Variants in DISP1 observed in about 807,000 individuals in gnomAD.
DISP1 encodes dispatched RND transporter family member 1.
Under a neutral mutation model 37.3 loss-of-function variants are expected in DISP1, and 30 were observed. That is an observed-to-expected ratio of 0.80 (90% CI 0.60 to 1.09). The LOEUF (loss-of-function observed/expected upper bound fraction) is 1.09, where lower values mean the gene tolerates loss of function less well. Ranked by LOEUF, DISP1 falls within the 50% of genes least tolerant of loss-of-function variation. The pLI is 0.00. For missense variants in DISP1, 1,598 were observed against 1,879.5 expected (o/e 0.85, Z 2.77); for synonymous variants, 634 against 690.2 (o/e 0.92, Z 1.28).
rs141648772 is a variant in DISP1, at chr1:222,984,709, C to A, written c.539+1600C>A. ...GCATTATGTACATTCACATTGTTGT[C>A]TAACCATCACCACCATCCATTTCCA... On this transcript the variant is annotated intron_variant, in intron 4 of 8. Coordinates refer to ENST00000675850, the MANE Select transcript of DISP1 (RefSeq NM_001377229.1). Among the ~76,000 whole-genome samples the A allele has an allele frequency of 2.8e-3, 427 of 152,044 alleles. 2 individuals carry two copies. Among genetic ancestry groups the A allele is most frequent in the African/African-American group, 1.0e-2 (413 of 41,474 alleles).
chr1:222,957,212 A>T (rs964407780), intron 3 of DISP1, among the ~76,000 whole-genome samples: 2 of 150,078 alleles, frequency 1.3e-5, no homozygotes, highest in African/African-American at 4.9e-5. Context: ...GTATGGGAGG[A>T]CCAGAGCCAC....
intron 3 of DISP1, among the ~76,000 whole-genome samples, chr1:222,950,090 ATAACTC>A (rs1365066405): frequency 6.6e-6 from 1 of 152,226 alleles, no homozygotes; most frequent in African/African-American, 2.4e-5. Flanking sequence ...GAAACAATAA[ATAACTC>A]TAAGAGTTGA....
intron 1 of DISP1, chr1:222,835,194 C>T (rs540186163): frequency 6.6e-6 from 1 of 152,226 alleles, no homozygotes; most frequent in East Asian, 1.9e-4. Context: ...ACCAAGCTGT[C>T]AGAAGCAGCT....
intron 1 of DISP1, 48 bp downstream of exon 1, chr1:222,815,126 G>T (rs1047591139): frequency 6.6e-6 from 1 of 152,148 alleles, no homozygotes; most frequent in East Asian, 1.9e-4. Context: ...CTCAGTGGAT[G>T]CCTTTCGGCG....
intron 1 of DISP1, among the ~76,000 whole-genome samples, chr1:222,925,112 T>C (rs771960169): frequency 6.6e-6 from 1 of 152,172 alleles, no homozygotes; most frequent in Non-Finnish European, 1.5e-5. Flanking sequence ...AAAATAATTA[T>C]GTGTCCCATG....
At chr1:222,890,573 A>G (rs1363728958) in intron 1 of DISP1, among the ~76,000 whole-genome samples, 1 of 152,200 alleles carries the variant, frequency 6.6e-6, no homozygotes, top group Non-Finnish European at 1.5e-5. Flanking sequence ...ATCGGGGAAG[A>G]CTTCTGGAAG....
intron 1 of DISP1, among the ~76,000 whole-genome samples, chr1:222,851,498 C>G (rs1204440446): frequency 6.6e-6 from 1 of 152,102 alleles, no homozygotes; most frequent in Non-Finnish European, 1.5e-5. Context: ...ATTTGTTGAG[C>G]CTCTCTGCCA....
chr1:222,963,764 G>A (rs1457674773), intron 3 of DISP1, among the ~76,000 whole-genome samples: 7 of 151,864 alleles, frequency 4.6e-5, no homozygotes, highest in Non-Finnish European at 7.4e-5. Flanking sequence ...GGGCCTGTTG[G>A]GGGGTTGGGG....
chr1:222,989,699 C>T (rs1678543914), intron 4 of DISP1, among the ~76,000 whole-genome samples: 1 of 152,116 alleles, frequency 6.6e-6, no homozygotes, highest in Admixed American at 6.5e-5. Flanking sequence ...GATCAACTTC[C>T]ACTGACAAGA....
intron 7 of DISP1, among the ~76,000 whole-genome samples, chr1:222,993,086 G>A (rs985742920): frequency 2.6e-5 from 4 of 151,774 alleles, no homozygotes; most frequent in African/African-American, 7.3e-5. Context: ...GGCTGCTCTC[G>A]AACTCCCGAA....
intron 1 of DISP1, among the ~76,000 whole-genome samples, chr1:222,866,597 C>A (rs1669206578): frequency 6.6e-6 from 1 of 152,130 alleles, no homozygotes; most frequent in Admixed American, 6.5e-5. Flanking sequence ...CCCCACTAGG[C>A]CTCCCAAAGT....
At chr1:222,849,500 A>T (rs945613840) in intron 1 of DISP1, among the ~76,000 whole-genome samples, 1 of 152,206 alleles carries the variant, frequency 6.6e-6, no homozygotes, top group Non-Finnish European at 1.5e-5. Flanking sequence ...CCTAAAAAAA[A>T]AATGTATCCA....
At chr1:222,987,394 A>G (rs894318855) in intron 4 of DISP1, among the ~76,000 whole-genome samples, 1 of 152,228 alleles carries the variant, frequency 6.6e-6, no homozygotes, top group African/African-American at 2.4e-5. Context: ...TTAAATGTGA[A>G]CAGTTATCTC....
intron 3 of DISP1, among the ~76,000 whole-genome samples, chr1:222,946,412 G>A (rs1367946647): frequency 1.3e-5 from 2 of 150,238 alleles, no homozygotes; most frequent in Non-Finnish European, 3.0e-5. Flanking sequence ...AAGAATTTGA[G>A]CCTTTTGGTT....
intron 1 of DISP1, among the ~76,000 whole-genome samples, chr1:222,826,316 T>G (rs1664380122): frequency 1.3e-5 from 2 of 152,080 alleles, no homozygotes; most frequent in Non-Finnish European, 2.9e-5. Context: ...TGTAACCTGA[T>G]TATTAGTAAT....
intron 1 of DISP1, among the ~76,000 whole-genome samples, chr1:222,886,828 C>G (rs1177396651): frequency 6.6e-6 from 1 of 152,180 alleles, no homozygotes; most frequent in Non-Finnish European, 1.5e-5. Context: ...TTTGAAACAT[C>G]ATATTTACAT....
At chr1:222,890,853 C>T (rs1670900351) in intron 1 of DISP1, among the ~76,000 whole-genome samples, 1 of 152,032 alleles carries the variant, frequency 6.6e-6, no homozygotes, top group South Asian at 2.1e-4. Flanking sequence ...GCCTGATCTG[C>T]CTTCACATTC....
rs114790690 is a variant in DISP1 at position 222,910,735 on chromosome 1, A to G, written c.-158-17695A>G. ...GAGAGAATGACTTCTGAGTCAAAGC[A>G]GTCTAAACAGAGAAAAGGAAATTTA... On this transcript the variant is annotated intron_variant, in intron 1 of 8. Coordinates refer to ENST00000675850, the MANE Select transcript of DISP1 (RefSeq NM_001377229.1). 3.9e-3 allele frequency among the ~76,000 whole-genome samples: 600 copies of G among 152,352 alleles called. 4 individuals carry two copies. Among genetic ancestry groups the G allele is most frequent in the African/African-American group, 0.013 (557 of 41,580 alleles).
intron 8 of DISP1, 58 bp from the exon 9 acceptor site, chr1:223,002,327 G>A: frequency 1.3e-6 from 2 of 1,497,098 alleles, no homozygotes; most frequent in Non-Finnish European, 1.9e-6. Context: ...CTTTCCAGTT[G>A]TGAACGATTG....
Sources: gnomAD v4.1 joint callset for allele counts (sites outside exome capture counted in the v4.1 genomes callset) on GRCh38, gnomAD v4.1.1 for gene constraint, MANE v1.5 for transcripts, NCBI Gene and HGNC (gene_info 2026-07-23, HGNC 2026-07-21) for gene names.